NEK6: variants seen among roughly 807,000 people sequenced by gnomAD.
NEK6 encodes the protein serine/threonine-protein kinase Nek6.
A neutral mutation model predicts 43.5 loss-of-function variants in NEK6; 27 were observed. That is an observed-to-expected ratio of 0.62 (90% CI 0.46 to 0.86). The LOEUF (loss-of-function observed/expected upper bound fraction) is 0.86. Among genes scored for constraint, NEK6 ranks in the 40% least tolerant of loss-of-function variants. The pLI is 0.00. For synonymous variants in NEK6, 167 were observed against 164.1 expected, an observed-to-expected ratio of 1.02 and a Z score of -0.14; for missense variants, 318 against 414.4, an observed-to-expected ratio of 0.77 and a Z score of 2.02.
At position 124,353,259 on chromosome 9, in the gene NEK6, A is replaced by G; in HGVS notation, c.*2312A>G. ...AATTCAGCCAGCAAAAAGGGTAGGT[A>G]TCGATGGTCACCTGAAGCCTCAAGG... On this transcript the variant is annotated 3_prime_UTR_variant, in exon 10 of 10. Transcript: ENST00000320246. 1 of 267,484 alleles carries G rather than the reference A, an allele frequency of 3.7e-6. No individual in the cohort carries two copies. Among genetic ancestry groups the G allele is most frequent in the Non-Finnish European group, 7.0e-6 (1 of 142,840 alleles). The allele number at this position is 267,484 out of a possible 1,614,324, so 16.6% of individuals were successfully genotyped here.
intron 7 of NEK6, among the ~76,000 whole-genome samples, chr9:124,333,548 C>T (rs1829126878): frequency 1.3e-5 from 2 of 152,166 alleles, no homozygotes; most frequent in African/African-American, 2.4e-5. Flanking sequence ...TTTACCTTTC[C>T]GTTGCACAGA....
rs1173287616 is a variant in NEK6, at chr9:124,352,798, G to C, written c.*1851G>C. 6.6e-6 allele frequency: 1 copy of C among 152,276 alleles called. No individual in the cohort carries two copies. Among genetic ancestry groups the C allele is most frequent in the East Asian group, 1.9e-4 (1 of 5,184 alleles). The allele number at this position is 152,276 out of a possible 1,614,324, so 9.4% of individuals were successfully genotyped here. ...CAGACCAACTTTTTGCCAACATTCTGCTTCCAGCTCTCTGAGCCCCTGCCG... is the reference window on the plus strand; with the variant it reads ...CAGACCAACTTTTTGCCAACATTCTCCTTCCAGCTCTCTGAGCCCCTGCCG... On this transcript the variant is annotated 3_prime_UTR_variant, in exon 10 of 10. Coordinates refer to ENST00000320246, the MANE Select transcript of NEK6 (RefSeq NM_014397.6).
At chr9:124,269,773 G>T (rs1326616187) in intron 1 of NEK6, among the ~76,000 whole-genome samples, 1 of 152,112 alleles carries the variant, frequency 6.6e-6, no homozygotes, top group East Asian at 1.9e-4. Context: ...CAGGAAATGT[G>T]GTTCTTGAGC....
Position 124,350,192 on chromosome 9 carries a change from G to A in NEK6, c.832-645G>A, listed in dbSNP as rs1830179119. ...GGTATTTAAATGGAAACCAATGGCTGTGAGCCCGTGATGCAGGGTAAGATG... is the reference window on the plus strand; with the variant it reads ...GGTATTTAAATGGAAACCAATGGCTATGAGCCCGTGATGCAGGGTAAGATG... On this transcript the variant is annotated intron_variant, in intron 9 of 9. Coordinates refer to ENST00000320246, the MANE Select transcript of NEK6 (RefSeq NM_014397.6). Among the ~76,000 whole-genome samples the A allele has an allele frequency of 2.0e-5, 3 of 152,352 alleles. No individual in the cohort carries two copies. In the South Asian group the frequency reaches 6.2e-4, roughly 32 times the overall value.
At chr9:124,282,489 T>G (rs180715325) in intron 1 of NEK6, among the ~76,000 whole-genome samples, 254 of 152,310 alleles carry the variant, frequency 1.7e-3, no homozygotes, top group African/African-American at 5.5e-3. Context: ...GGGGGAACAT[T>G]ACTCTGGGGG....
intron 1 of NEK6, among the ~76,000 whole-genome samples, chr9:124,271,276 C>T (rs966860604): frequency 6.6e-6 from 1 of 152,254 alleles, no homozygotes; most frequent in East Asian, 1.9e-4. Flanking sequence ...GGTTGCCAAC[C>T]TTCTCACTCA....
chr9:124,347,183 C>T (rs1829976721), intron 8 of NEK6, among the ~76,000 whole-genome samples: 1 of 152,340 alleles, frequency 6.6e-6, no homozygotes, highest in Non-Finnish European at 1.5e-5. Context: ...CTGGCTTCCA[C>T]AGGCAGCAGC....
At chr9:124,307,158 A>T (rs2130827328) in intron 2 of NEK6, among the ~76,000 whole-genome samples, 1 of 150,778 alleles carries the variant, frequency 6.6e-6, no homozygotes, top group African/African-American at 2.4e-5. Context: ...TCTATGGCTG[A>T]GGCTGATTGT....
chr9:124,342,754 T>C (rs1829708877), intron 8 of NEK6, among the ~76,000 whole-genome samples: 1 of 152,250 alleles, frequency 6.6e-6, no homozygotes, highest in South Asian at 2.1e-4. Flanking sequence ...TTCGTTTCTT[T>C]TTCCATTCTG....
chr9:124,273,983 CAG>C (rs1554844218), intron 1 of NEK6, among the ~76,000 whole-genome samples: 1 of 152,210 alleles, frequency 6.6e-6, no homozygotes, highest in East Asian at 1.9e-4. Context: ...ACTTTGGGCA[CAG>C]GGTACCATTC....
intron 1 of NEK6, among the ~76,000 whole-genome samples, chr9:124,298,182 G>A (rs1832788252): frequency 6.6e-6 from 1 of 151,980 alleles, no homozygotes; most frequent in African/African-American, 2.4e-5. Context: ...CTGGCCCACA[G>A]GAACCCTCAT....
chr9:124,350,121 G>C (rs1021421837), intron 9 of NEK6, among the ~76,000 whole-genome samples: 2 of 152,248 alleles, frequency 1.3e-5, no homozygotes, highest in Non-Finnish European at 2.9e-5. Flanking sequence ...TGCTGCTGCT[G>C]CTTCGGCTGC....
intron 8 of NEK6, among the ~76,000 whole-genome samples, chr9:124,345,642 G>A (rs1050592040): frequency 6.6e-5 from 10 of 152,066 alleles, no homozygotes; most frequent in African/African-American, 2.2e-4. Context: ...ATTCCTCTCC[G>A]GGGTCAGCCA....
rs1564666865 is a variant in NEK6 at position 124,347,805 on chromosome 9, G to A, written c.814G>A (p.Glu272Lys). Residue 272 changes from glutamate (E) to lysine (K), a missense_variant, in exon 9 of 10, where the codon GAG becomes AAG. This residue lies in a region of NEK6 where 79 missense variants were observed against 70.0 expected (regional missense o/e 1.13). Transcript: ENST00000320246. ...EQCDYPPLPGEHYSEKLRELV... is the reference protein window; with the variant it reads ...EQCDYPPLPGKHYSEKLRELV... ...GTGTGACTACCCCCCACTCCCCGGG[G>A]AGCACTACTCCGAGAAGGTGAGTTT... The A allele has an allele frequency of 1.9e-6, 3 of 1,611,488 alleles. 1 individual carries two copies. Among genetic ancestry groups the A allele is most frequent in the South Asian group, 2.2e-5 (2 of 90,840 alleles).
chr9:124,345,214 CCTCT>C (rs1829855335), intron 8 of NEK6, among the ~76,000 whole-genome samples: 1 of 152,172 alleles, frequency 6.6e-6, no homozygotes, highest in African/African-American at 2.4e-5. Context: ...GACAGTGAGT[CCTCT>C]CTATTTCGAC....
rs1830909009 is a variant in NEK6, at chr9:124,258,745, G to C, written c.-30+660G>C. Among the ~76,000 whole-genome samples the C allele has an allele frequency of 2.0e-5, 3 of 152,338 alleles. No homozygotes were observed. In the South Asian group the frequency reaches 6.2e-4, roughly 32 times the overall value. ...CTGGGCCTGATCCGGTGAACCAGGG[G>C]CCAGGAGGGCAGACTCAGAGCCTGG... On this transcript the variant is annotated intron_variant, in intron 1 of 9. Transcript: ENST00000320246.
At chr9:124,292,081 T>G (rs1832447464) in intron 1 of NEK6, 1 of 1,045,462 alleles carries the variant, frequency 9.6e-7, no homozygotes, top group Non-Finnish European at 1.2e-6. Context: ...CAGGAGCCAC[T>G]TCAAAAGGTA....
At chr9:124,268,921 C>T (rs1205312765) in intron 1 of NEK6, among the ~76,000 whole-genome samples, 1 of 152,016 alleles carries the variant, frequency 6.6e-6, no homozygotes, top group Non-Finnish European at 1.5e-5. Flanking sequence ...TGGACTGATG[C>T]GACATGACAA....
At chr9:124,291,021 G>A (rs931526164) in intron 1 of NEK6, among the ~76,000 whole-genome samples, 5 of 152,198 alleles carry the variant, frequency 3.3e-5, no homozygotes, top group Non-Finnish European at 7.3e-5. Context: ...CCTCGTTTTG[G>A]AGAATGCAGG....
Sources: gnomAD v4.1 joint callset for allele counts (sites outside exome capture counted in the v4.1 genomes callset) on GRCh38, gnomAD v4.1.1 for gene constraint, gnomAD v4.1.1 regional missense constraint, MANE v1.5 for transcripts, NCBI Gene and HGNC (gene_info 2026-07-23, HGNC 2026-07-21) for gene names.